The following ANKIB1 variants were observed in gnomAD, a reference collection of about 807,000 sequenced individuals.
ANKIB1 encodes the protein ankyrin repeat and IBR domain containing 1.
A neutral mutation model predicts 122.1 loss-of-function variants in ANKIB1; 43 were observed. The ratio of observed to expected loss-of-function variants is 0.35; its 90% CI spans 0.28 to 0.45. The LOEUF is 0.45. Among genes scored for constraint, ANKIB1 ranks in the 20% least tolerant of loss-of-function variants. ANKIB1 has a pLI of 1.00. For synonymous variants in ANKIB1, 390 were observed against 442.0 expected (o/e 0.88, Z 1.48); for missense variants, 992 against 1,329.5 (o/e 0.75, Z 3.95).
In ANKIB1 at chr7:92,375,175, A is replaced by G. The variant is rs373749293; in HGVS notation, c.1617+3568A>G. Among the ~76,000 whole-genome samples, 4 of 152,322 alleles carry G rather than the reference A, an allele frequency of 2.6e-5. 1 individual carries two copies. On this transcript the variant is annotated intron_variant, in intron 11 of 19. Coordinates refer to ENST00000265742, the MANE Select transcript of ANKIB1 (RefSeq NM_019004.2). ...CTGAACCTTCAGTGAGTCATAGTCT[A>G]TTTGCTGATGGAGAGCCTTGCCTCA...
intron 1 of ANKIB1, among the ~76,000 whole-genome samples, chr7:92,274,226 T>C (rs1169157109): frequency 6.6e-6 from 1 of 152,184 alleles, no homozygotes; most frequent in African/African-American, 2.4e-5. Flanking sequence ...TGCAAAACAC[T>C]ACTGGGCACT....
intron 4 of ANKIB1, among the ~76,000 whole-genome samples, chr7:92,327,533 A>G (rs1365581297): frequency 6.6e-6 from 1 of 152,210 alleles, no homozygotes; most frequent in African/African-American, 2.4e-5. Context: ...TAACTAGTAC[A>G]ATGCAAATAA....
chr7:92,353,486 CT>C (rs1803709102), intron 9 of ANKIB1, among the ~76,000 whole-genome samples: 1 of 152,052 alleles, frequency 6.6e-6, no homozygotes, highest in African/African-American at 2.4e-5. Flanking sequence ...CTGTTTTTTG[CT>C]CATTTCCAGA....
At chr7:92,348,385 C>CTTTT (rs563453600) in intron 7 of ANKIB1, among the ~76,000 whole-genome samples, 1 of 134,470 alleles carries the variant, frequency 7.4e-6, no homozygotes, top group Non-Finnish European at 1.6e-5. Context: ...GTCTTTAAGA[C>CTTTT]TTTTTTTTTT....
intron 1 of ANKIB1, among the ~76,000 whole-genome samples, chr7:92,279,234 A>G (rs1801969193): frequency 6.6e-6 from 1 of 152,126 alleles, no homozygotes. Context: ...CCTGGTTCCT[A>G]ACAGGCCATG....
intron 9 of ANKIB1, among the ~76,000 whole-genome samples, chr7:92,355,097 C>A (rs1175244428): frequency 6.6e-6 from 1 of 152,204 alleles, no homozygotes; most frequent in Non-Finnish European, 1.5e-5. Context: ...GGATACCCTT[C>A]TCTACCTGTT....
In ANKIB1 at chr7:92,398,484, C is replaced by T. The variant is rs1395389384; in HGVS notation, c.2805C>T (p.Asp935=). The change falls in exon 20 of 20, where the codon GAC becomes GAT. Residue 935 remains aspartate, a synonymous_variant. Transcript: ENST00000265742. ...CAGAGAATGACCCATTTTCAACTGA[C>T]ACCCTGAGCTCACACCCTCTCAGTG... is the stretch of plus-strand genomic sequence containing the variant. ...LGAENDPFST[D]TLSSHPLSEA... 9 of 1,613,954 alleles carry T rather than the reference C, an allele frequency of 5.6e-6. No individual in the cohort carries two copies. Among genetic ancestry groups the T allele is most frequent in the Non-Finnish European group, 7.6e-6 (9 of 1,179,860 alleles).
intron 5 of ANKIB1, among the ~76,000 whole-genome samples, chr7:92,335,138 T>A (rs1803259138): frequency 6.6e-6 from 1 of 151,948 alleles, no homozygotes; most frequent in Non-Finnish European, 1.5e-5. Context: ...TCATTCATTT[T>A]AAAATATTTT....
At chr7:92,351,356 T>C (rs1398619951) in intron 8 of ANKIB1, among the ~76,000 whole-genome samples, 2 of 152,122 alleles carry the variant, frequency 1.3e-5, no homozygotes, top group Non-Finnish European at 2.9e-5. Flanking sequence ...TATCAGAACT[T>C]TTTATTAATT....
chr7:92,364,337 AAAG>A, intron 10 of ANKIB1, among the ~76,000 whole-genome samples: 1 of 149,220 alleles, frequency 6.7e-6, no homozygotes, highest in South Asian at 2.1e-4. Flanking sequence ...AAAAAAAAAA[AAAG>A]CCTTTATAGA....
intron 5 of ANKIB1, among the ~76,000 whole-genome samples, chr7:92,339,848 C>T (rs1334166365): frequency 7.0e-6 from 1 of 142,830 alleles, no homozygotes; most frequent in Non-Finnish European, 1.5e-5. Flanking sequence ...ATCATTTTTT[C>T]TATCAATAGT....
At chr7:92,392,336 G>T in intron 17 of ANKIB1, 44 bp downstream of exon 17, 1 of 1,541,626 alleles carries the variant, frequency 6.5e-7, no homozygotes, top group Admixed American at 1.7e-5. Context: ...TTTTCTTAGT[G>T]CAGTCGTGCT....
At chr7:92,370,716 T>C (rs1048387809) in intron 10 of ANKIB1, among the ~76,000 whole-genome samples, 3 of 152,114 alleles carry the variant, frequency 2.0e-5, no homozygotes, top group African/African-American at 7.2e-5. Flanking sequence ...TACAGTCACA[T>C]CTACCCATAA....
intron 1 of ANKIB1, among the ~76,000 whole-genome samples, chr7:92,287,313 T>G (rs1802151157): frequency 6.6e-6 from 1 of 152,242 alleles, no homozygotes; most frequent in Non-Finnish European, 1.5e-5. Flanking sequence ...CTCCTTAGTC[T>G]CCTTTAAACT....
At chr7:92,381,880 C>A (rs578163029) in intron 11 of ANKIB1, among the ~76,000 whole-genome samples, 12 of 152,252 alleles carry the variant, frequency 7.9e-5, no homozygotes, top group Admixed American at 7.8e-4. Flanking sequence ...AGATCAAATT[C>A]ACACATAACA....
chr7:92,309,942 A>AAAAAAAAAAAAAAAAAAATAT (rs1335765681), intron 3 of ANKIB1, among the ~76,000 whole-genome samples: 1 of 91,818 alleles, frequency 1.1e-5, no homozygotes, highest in Non-Finnish European at 2.0e-5. Context: ...AAAAAAAAAA[A>AAAAAAAAAAAAAAAAAAATAT]ATATATATAT....
At chr7:92,388,526 C>T (rs958864312) in intron 14 of ANKIB1, among the ~76,000 whole-genome samples, 6 of 152,124 alleles carry the variant, frequency 3.9e-5, no homozygotes, top group African/African-American at 1.4e-4. Flanking sequence ...GGTCAAAAAG[C>T]GAAGCCATGA....
intron 1 of ANKIB1, among the ~76,000 whole-genome samples, chr7:92,263,632 A>G (rs1455244389): frequency 1.3e-5 from 2 of 152,184 alleles, no homozygotes; most frequent in African/African-American, 4.8e-5. Context: ...TACCTCTCTC[A>G]AGTTTCATAC....
intron 1 of ANKIB1, among the ~76,000 whole-genome samples, chr7:92,284,463 CT>C (rs1802075711): frequency 6.6e-6 from 1 of 152,198 alleles, no homozygotes; most frequent in Admixed American, 6.5e-5. Flanking sequence ...TACTGTAATA[CT>C]TTCTAATGCT....
Sources: gnomAD v4.1 joint callset for allele counts (sites outside exome capture counted in the v4.1 genomes callset) on GRCh38, gnomAD v4.1.1 for gene constraint, MANE v1.5 for transcripts, NCBI Gene and HGNC (gene_info 2026-07-23, HGNC 2026-07-21) for gene names.